Variants in TOP1MT observed in about 807,000 individuals in gnomAD.
The protein encoded by TOP1MT is DNA topoisomerase I, mitochondrial.
TOP1MT carries 80 observed loss-of-function variants against 73.9 expected under a neutral mutation model. The ratio of observed to expected loss-of-function variants is 1.08; its 90% CI spans 0.90 to 1.30. TOP1MT has a LOEUF of 1.30. Among genes scored for constraint, TOP1MT ranks in the 50% most tolerant of loss-of-function variants. TOP1MT has a pLI of 0.00. For missense variants in TOP1MT, 815 were observed against 808.0 expected (o/e 1.01, Z -0.10); for synonymous variants, 338 against 326.4 (o/e 1.04, Z -0.38).
chr8:143,338,399 C>A (rs1463165250), upstream of TOP1MT, among the ~76,000 whole-genome samples: 1 of 152,036 alleles, frequency 6.6e-6, no homozygotes, highest in Non-Finnish European at 1.5e-5. Flanking sequence ...GAAACCCCGT[C>A]TCTACTAAAA....
intron 2 of TOP1MT, among the ~76,000 whole-genome samples, chr8:143,330,323 G>A (rs996222744): frequency 1.1e-4 from 17 of 152,258 alleles, no homozygotes; most frequent in Admixed American, 1.1e-3. Flanking sequence ...GGGAGGTCCT[G>A]CAGGGCTGCT....
rs936151515 is a variant in TOP1MT, at chr8:143,353,878, C to A, written c.-39+2087G>T. Among the ~76,000 whole-genome samples the A allele has an allele frequency of 3.1e-4, 43 of 138,778 alleles. 2 individuals carry two copies. Among genetic ancestry groups the A allele is most frequent in the African/African-American group, 1.2e-3 (42 of 36,312 alleles). The allele number at this position is 138,778 out of a possible 152,430, so 91.0% of individuals were successfully genotyped here. The stretch of plus-strand genomic sequence containing the variant: ...ACTCGGGAGGCTGAGGCAGGAGGAT[C>A]GCTTGAATCCAGGAGGCAGAGGTTG... On this transcript the variant is annotated intron_variant, in intron 1 of 5. Coordinates refer to the TOP1MT transcript ENST00000518760.
At chr8:143,359,444 C>A (rs552601702), upstream of TOP1MT, 1 of 985,156 alleles carries the variant, frequency 1.0e-6, no homozygotes, top group East Asian at 1.1e-4. Context: ...CAGCGACGGC[C>A]GTTTCCAGAC....
At chr8:143,323,923 A>G in intron 7 of TOP1MT, 76 bp downstream of exon 7, 1 of 1,571,256 alleles carries the variant, frequency 6.4e-7, no homozygotes, top group Non-Finnish European at 8.7e-7. Context: ...ACGTCGCCAC[A>G]CTGCACCATC....
intron 3 of TOP1MT, chr8:143,327,692 G>A (rs991082146): frequency 2.5e-6 from 1 of 393,530 alleles, no homozygotes; most frequent in South Asian, 1.9e-5. Context: ...CTGACCAGAG[G>A]GAGAATGAGG....
At chr8:143,345,156 T>C (rs536696718), upstream of TOP1MT, among the ~76,000 whole-genome samples, 7 of 152,072 alleles carry the variant, frequency 4.6e-5, no homozygotes, top group East Asian at 1.9e-4. Flanking sequence ...AGACTCCCCA[T>C]AGACAGGTCC....
chr8:143,324,685 A>G, intron 5 of TOP1MT, 56 bp from the exon 6 acceptor site: 2 of 1,584,346 alleles, frequency 1.3e-6, no homozygotes, highest in African/African-American at 1.4e-5. Context: ...CTGGAATGCA[A>G]GCAAAAGGAG....
rs1354526719 is a variant in TOP1MT at position 143,324,372 on chromosome 8, G to A, written c.816+113C>T. The A allele has an allele frequency of 4.7e-5, 72 of 1,516,210 alleles. No homozygotes were observed. The East Asian group carries it at 7.7e-4, about 16-fold the overall frequency. The allele number at this position is 1,516,210 out of a possible 1,614,324, so 93.9% of individuals were successfully genotyped here. A position where few individuals can be genotyped will look rare whatever the true frequency, so the allele number is the denominator to read the frequency against. On this transcript the variant is annotated intron_variant, in intron 6 of 13. Transcript: ENST00000329245. ...AGCATGACCTCAGCACGGGCTGGCC[G>A]ACTCCCAGCCCATCTCAGAAGCCTC...
chr8:143,318,456 G>C (rs1816237749), intron 8 of TOP1MT, among the ~76,000 whole-genome samples: 1 of 152,212 alleles, frequency 6.6e-6, no homozygotes, highest in Non-Finnish European at 1.5e-5. Context: ...CAGGACCTCA[G>C]GGCCTTCGGG....
At position 143,317,710 on chromosome 8, in the gene TOP1MT, GGGGCAGGCTCACCGCGCGTCA is replaced by G. The variant is rs770439568; in HGVS notation, c.1322_1330+12del. 7 of 1,610,400 alleles carry G rather than the reference GGGGCAGGCTCACCGCGCGTCA, an allele frequency of 4.3e-6. No individual in the cohort carries two copies. Among genetic ancestry groups the G allele is most frequent in the African/African-American group, 1.3e-5 (1 of 74,840 alleles). On this transcript the variant is annotated splice_donor_variant and splice_donor_5th_base_variant and coding_sequence_variant and intron_variant, in exon 10 of 14. Transcript: ENST00000329245. LOFTEE classifies it high-confidence loss of function. Reference sequence around the variant, plus strand: ...CTCCCCCCGCGCTGAGTGTGGGTGTGGGGCAGGCTCACCGCGCGTCAGGGCCCGCAGCTGCTCCTGCAGAGT... The same window carrying G: ...CTCCCCCCGCGCTGAGTGTGGGTGTGGGGCCCGCAGCTGCTCCTGCAGAGT...
Position 143,331,359 on chromosome 8 carries a change from G to C in TOP1MT, c.123-20C>G, listed in dbSNP as rs533971942. On this transcript the variant is annotated intron_variant, in intron 1 of 13. Transcript: ENST00000329245. Reference sequence around the variant, plus strand: ...TCCCACCTAAAGACGGAGACAGGACGTGTCACTCTCCTGGGCCAGGCCCTG... The same window carrying C: ...TCCCACCTAAAGACGGAGACAGGACCTGTCACTCTCCTGGGCCAGGCCCTG... 2 of 1,598,116 alleles carry C rather than the reference G, an allele frequency of 1.3e-6. No homozygotes were observed. Among genetic ancestry groups the C allele is most frequent in the Non-Finnish European group, 1.7e-6 (2 of 1,167,696 alleles).
rs1215776742 is a variant in TOP1MT at position 143,322,862 on chromosome 8, G to A, written c.960+1137C>T. Reference sequence around the variant, plus strand: ...CACCACACACGCACGCAACACACACGCACGCCACACGCACGCAACACACGC... The same window carrying A: ...CACCACACACGCACGCAACACACACACACGCCACACGCACGCAACACACGC... On this transcript the variant is annotated intron_variant, in intron 7 of 13. Transcript: ENST00000329245. Among the ~76,000 whole-genome samples, 58 of 75,998 alleles carry A rather than the reference G, an allele frequency of 7.6e-4. 4 individuals are homozygous for A. Among genetic ancestry groups the A allele is most frequent in the Non-Finnish European group, 1.2e-3 (52 of 42,572 alleles). The allele number at this position is 75,998 out of a possible 152,430, so 49.9% of individuals were successfully genotyped here. A position where few individuals can be genotyped will look rare whatever the true frequency, so the allele number is the denominator to read the frequency against.
At chr8:143,326,416 G>A in intron 3 of TOP1MT, 72 bp from the exon 4 acceptor site, 1 of 1,591,224 alleles carries the variant, frequency 6.3e-7, no homozygotes, top group Non-Finnish European at 8.6e-7. Context: ...CGCCATGTCT[G>A]ACGGACAGAA....
chr8:143,314,531 T>C (rs1203938570), intron 12 of TOP1MT, among the ~76,000 whole-genome samples: 4 of 148,076 alleles, frequency 2.7e-5, no homozygotes, highest in Admixed American at 1.4e-4. Flanking sequence ...GAGGCGGAGG[T>C]TGCAGTGAGC....
upstream of TOP1MT, among the ~76,000 whole-genome samples, chr8:143,336,065 C>A (rs1406751450): frequency 1.3e-5 from 2 of 152,276 alleles, no homozygotes; most frequent in African/African-American, 4.8e-5. Context: ...GTAACCCTTT[C>A]TACAAACCAG....
chr8:143,347,714 AG>A (rs1440744196), upstream of TOP1MT, among the ~76,000 whole-genome samples: 5 of 151,378 alleles, frequency 3.3e-5, no homozygotes, highest in African/African-American at 1.2e-4. Context: ...CCAGCCAGCC[AG>A]CCAGCCAGCC....
chr8:143,326,489 G>T, intron 3 of TOP1MT, 145 bp from the exon 4 acceptor site: 1 of 1,066,824 alleles, frequency 9.4e-7, no homozygotes, highest in Non-Finnish European at 1.4e-6. Flanking sequence ...GCACGGTCCT[G>T]CGGCCCCGTA....
At chr8:143,320,420 T>G (rs937142283) in intron 8 of TOP1MT, among the ~76,000 whole-genome samples, 9 of 152,044 alleles carry the variant, frequency 5.9e-5, no homozygotes, top group East Asian at 5.8e-4. Context: ...GTGAGCCACC[T>G]TGCCCGGCTG....
At position 143,310,130 on chromosome 8, in the gene TOP1MT, G is replaced by A. The variant is rs920185117; in HGVS notation, c.1641C>T (p.Asn547=). The A allele has an allele frequency of 1.2e-6, 2 of 1,613,634 alleles. No individual in the cohort carries two copies. Among genetic ancestry groups the A allele is most frequent in the South Asian group, 2.2e-5 (2 of 91,064 alleles). The stretch of plus-strand genomic sequence containing the variant: ...TGGACGTGCCCAGGGCCACCTGCTT[G>A]TTCTCCTCCTTGTCCGTGGCCTGCA... ...LSVQATDKEE[N]KQVALGTSKL... The change falls in exon 13 of 14, where the codon AAC becomes AAT. Residue 547 remains asparagine (N), a synonymous_variant. Coordinates refer to ENST00000329245, the MANE Select transcript of TOP1MT (RefSeq NM_052963.3).
Sources: allele counts gnomAD v4.1 joint callset (sites outside exome capture counted in the v4.1 genomes callset), GRCh38; gene constraint gnomAD v4.1.1; transcripts MANE v1.5; gene names NCBI Gene and HGNC (gene_info 2026-07-23, HGNC 2026-07-21).